The following NPRL3 variants were observed in gnomAD, a reference collection of about 807,000 sequenced individuals.
The protein encoded by NPRL3 is GATOR1 complex protein NPRL3.
NPRL3 carries 23 observed loss-of-function variants against 57.2 expected under a neutral mutation model. That is an observed-to-expected ratio of 0.40 (90% CI 0.29 to 0.57). The LOEUF is 0.57. Among genes scored for constraint, NPRL3 ranks in the 20% least tolerant of loss-of-function variants. The probability of loss-of-function intolerance (pLI) is 0.42; values close to 1 mark genes in which losing one functional copy is unlikely to be tolerated. For synonymous variants in NPRL3, 333 were observed against 321.1 expected, an observed-to-expected ratio of 1.04 and a Z score of -0.39; for missense variants, 691 against 767.1, an observed-to-expected ratio of 0.90 and a Z score of 1.17.
At chr16:128,802 T>C (rs560798342) in intron 3 of NPRL3, among the ~76,000 whole-genome samples, 3 of 152,056 alleles carry the variant, frequency 2.0e-5, no homozygotes, top group Admixed American at 6.5e-5. Context: ...GAGAGTGGAT[T>C]TGATGCACTT....
chr16:108,421 G>A (rs1899627582), intron 7 of NPRL3, among the ~76,000 whole-genome samples: 2 of 152,010 alleles, frequency 1.3e-5, no homozygotes, highest in South Asian at 2.1e-4. Flanking sequence ...TTGCTGGTGG[G>A]ACAGAGGTAC....
intron 7 of NPRL3, among the ~76,000 whole-genome samples, chr16:109,167 CATT>C (rs1216040565): frequency 6.6e-6 from 1 of 152,032 alleles, no homozygotes; most frequent in African/African-American, 2.4e-5. Flanking sequence ...TGCGATCTCA[CATT>C]GTTGTTCAGG....
chr16:86,489 C>G lies in NPRL3; in HGVS notation c.*216G>C. On this transcript the variant is annotated 3_prime_UTR_variant, in exon 14 of 14. Transcript: ENST00000611875. ...GCGTGCGGCAAGGACTGGAGGGAAGCGTAGGAACACAGAGGGCAGCAGCCC... is the reference window on the plus strand; with the variant it reads ...GCGTGCGGCAAGGACTGGAGGGAAGGGTAGGAACACAGAGGGCAGCAGCCC... The G allele has an allele frequency of 5.3e-6, 3 of 562,548 alleles. No homozygotes were observed. Among genetic ancestry groups the G allele is most frequent in the Non-Finnish European group, 9.5e-6 (3 of 314,932 alleles). The allele number at this position is 562,548 out of a possible 1,614,324, so 34.8% of individuals were successfully genotyped here.
rs758642036 is a variant in NPRL3 at position 112,653 on chromosome 16, C to A, written c.516G>T (p.Ala172=). The change falls in exon 6 of 14, where the codon GCG becomes GCT. Residue 172 remains alanine, a synonymous_variant. Coordinates refer to ENST00000611875, the MANE Select transcript of NPRL3 (RefSeq NM_001077350.3). ...CCATGGCGGACACCTCATCCTGGAG[C>A]GCCAGGATCAGCTTGGCCTCCCGGG... ...YLTREAKLIL[A]LQDEVSAMAD... is the part of the protein sequence containing the mutation. 1 of 1,600,644 alleles carries A rather than the reference C, an allele frequency of 6.2e-7. No homozygotes were observed. Among genetic ancestry groups the A allele is most frequent in the Non-Finnish European group, 8.5e-7 (1 of 1,172,950 alleles).
intron 10 of NPRL3, chr16:92,936 T>C: frequency 4.7e-6 from 3 of 637,352 alleles, no homozygotes; most frequent in Admixed American, 5.4e-5. Context: ...GCACAGTTCA[T>C]CCTGCATCTC....
intron 3 of NPRL3, among the ~76,000 whole-genome samples, chr16:121,177 G>C (rs1380181928): frequency 6.6e-6 from 1 of 152,140 alleles, no homozygotes; most frequent in East Asian, 1.9e-4. Context: ...ATGGTCCCTG[G>C]GATTCTCAGA....
At chr16:110,479 G>C (rs899013241) in intron 7 of NPRL3, 46 bp downstream of exon 7, 12 of 1,483,712 alleles carry the variant, frequency 8.1e-6, no homozygotes, top group South Asian at 3.6e-5. Flanking sequence ...GCCCAGGCAG[G>C]CTGGCCCATA....
At position 100,372 on chromosome 16, in the gene NPRL3, C is replaced by T. The variant is rs755889116; in HGVS notation, c.767G>A (p.Arg256His). ...TGAGCACGTGGGGCTGGGCACTTAC[C>T]GGATGGCTTTCAGGCTCCGTTCGAT... Reference protein sequence around the residue: ...EAIERSLKAIRPYHALLLLSD... With the variant: ...EAIERSLKAIHPYHALLLLSD... Residue 256 changes from arginine (R) to histidine (H), a missense_variant and splice_region_variant, in exon 8 of 14, where the codon CGC (arginine) becomes CAC (histidine). Transcript: ENST00000611875. The T allele has an allele frequency of 5.2e-6, 8 of 1,532,028 alleles. No individual in the cohort carries two copies. Among genetic ancestry groups the T allele is most frequent in the Non-Finnish European group, 6.1e-6 (7 of 1,138,248 alleles). The allele number at this position is 1,532,028 out of a possible 1,614,324, so 94.9% of individuals were successfully genotyped here.
At chr16:129,536 G>A (rs950390473) in intron 3 of NPRL3, among the ~76,000 whole-genome samples, 1 of 152,250 alleles carries the variant, frequency 6.6e-6, no homozygotes, top group African/African-American at 2.4e-5. Context: ...ACAAATTGTG[G>A]TCAGGCATGG....
intron 10 of NPRL3, 22 bp downstream of exon 10, chr16:93,197 T>A (rs1226362560): frequency 6.7e-7 from 1 of 1,486,770 alleles, no homozygotes; most frequent in Non-Finnish European, 9.2e-7. Flanking sequence ...GGCTCCAGGC[T>A]CTGGCAGCCA....
At chr16:87,095 C>T (rs1898509968) in intron 13 of NPRL3, among the ~76,000 whole-genome samples, 1 of 152,232 alleles carries the variant, frequency 6.6e-6, no homozygotes, top group Non-Finnish European at 1.5e-5. Flanking sequence ...GGAGTGGGTT[C>T]AGGACGGCAG....
At chr16:110,171 A>C (rs914757060) in intron 7 of NPRL3, among the ~76,000 whole-genome samples, 1 of 152,210 alleles carries the variant, frequency 6.6e-6, no homozygotes. Flanking sequence ...CGGGAGGCTG[A>C]GGCAGGAGAA....
intron 3 of NPRL3, among the ~76,000 whole-genome samples, chr16:121,788 T>A (rs1900292536): frequency 6.6e-6 from 1 of 152,144 alleles, no homozygotes; most frequent in African/African-American, 2.4e-5. Context: ...TTTTTTTTCT[T>A]TTTGAGACGA....
intron 8 of NPRL3, among the ~76,000 whole-genome samples, chr16:99,959 C>CAAAAAAAAAAAA (rs11304941): frequency 2.0e-4 from 12 of 61,012 alleles, no homozygotes; most frequent in South Asian, 7.5e-4. Context: ...CACACCCCCG[C>CAAAAAAAAAAAA]AAAAAAAAAA....
chr16:99,974 A>AG (rs1349049642), intron 8 of NPRL3, among the ~76,000 whole-genome samples: 3 of 130,350 alleles, frequency 2.3e-5, no homozygotes, highest in Admixed American at 7.1e-5. Context: ...AAAAAAAAAA[A>AG]AAAGAAAAAG....
intron 2 of NPRL3, 74 bp downstream of exon 2, chr16:138,076 C>G: frequency 1.8e-6 from 2 of 1,100,326 alleles, no homozygotes. Context: ...CTCCGCGAGG[C>G]GGCCCTGGAA....
chr16:133,543 T>C (rs1900914678), intron 2 of NPRL3, among the ~76,000 whole-genome samples: 3 of 152,258 alleles, frequency 2.0e-5, no homozygotes, highest in Admixed American at 6.5e-5. Flanking sequence ...TTTGTTTGTT[T>C]GTTTGTTTTA....
intron 9 of NPRL3, among the ~76,000 whole-genome samples, chr16:94,846 G>A (rs1898920396): frequency 6.6e-6 from 1 of 152,102 alleles, no homozygotes; most frequent in African/African-American, 2.4e-5. Context: ...GCTCTGCTCA[G>A]CATAGTGGTC....
At chr16:111,770 G>A (rs1321714310) in intron 6 of NPRL3, among the ~76,000 whole-genome samples, 1 of 152,106 alleles carries the variant, frequency 6.6e-6, no homozygotes, top group East Asian at 1.9e-4. Flanking sequence ...AATTTGTACT[G>A]AAAATGCACC....
Sources: gnomAD v4.1 joint callset for allele counts (sites outside exome capture counted in the v4.1 genomes callset) on GRCh38, gnomAD v4.1.1 for gene constraint, MANE v1.5 for transcripts, NCBI Gene and HGNC (gene_info 2026-07-23, HGNC 2026-07-21) for gene names.